The following EPHA6 variants were observed in gnomAD, a reference collection of about 807,000 sequenced individuals.
EPHA6 encodes ephrin type-A receptor 6.
In EPHA6, 50 loss-of-function variants were observed where a neutral mutation model predicts 112.0. The observed-to-expected ratio is 0.45, with a 90% confidence interval of 0.36 to 0.56. EPHA6 has a LOEUF of 0.56. EPHA6 is among the 20% of genes least tolerant of loss of function. The pLI is 0.00. For synonymous variants in EPHA6, 529 were observed against 490.7 expected, an observed-to-expected ratio of 1.08 and a Z score of -1.03; for missense variants, 1,280 against 1,417.4, an observed-to-expected ratio of 0.90 and a Z score of 1.56.
At chr3:96,879,340 C>T (rs541542717) in intron 2 of EPHA6, among the ~76,000 whole-genome samples, 1 of 152,034 alleles carries the variant, frequency 6.6e-6, no homozygotes. Flanking sequence ...TATAACATAT[C>T]ATTTTCAACA....
intron 3 of EPHA6, among the ~76,000 whole-genome samples, chr3:97,178,546 T>C (rs1360288016): frequency 6.6e-6 from 1 of 152,110 alleles, no homozygotes. Context: ...TAATGTTGAT[T>C]AAATCCGTCA....
chr3:97,246,088 C>CTCTTT, intron 5 of EPHA6, among the ~76,000 whole-genome samples: 1 of 152,028 alleles, frequency 6.6e-6, no homozygotes, highest in East Asian at 1.9e-4. Context: ...TTCCTATTTT[C>CTCTTT]TCTTTTCTTT....
intron 13 of EPHA6, among the ~76,000 whole-genome samples, chr3:97,635,258 C>T (rs927210265): frequency 1.3e-5 from 2 of 151,956 alleles, no homozygotes; most frequent in African/African-American, 4.8e-5. Context: ...ACACCAAAAT[C>T]TTATTTTTAA....
At chr3:96,945,225 A>G (rs947365663) in intron 2 of EPHA6, among the ~76,000 whole-genome samples, 40 of 152,124 alleles carry the variant, frequency 2.6e-4, no homozygotes, top group African/African-American at 8.9e-4. Context: ...AGATTAATAA[A>G]ATCATATTCT....
intron 10 of EPHA6, among the ~76,000 whole-genome samples, chr3:97,528,049 T>C (rs1435596287): frequency 6.6e-6 from 1 of 152,104 alleles, no homozygotes; most frequent in African/African-American, 2.4e-5. Context: ...AGGAAAGATA[T>C]GAGAATAAAG....
At chr3:97,612,206 T>C (rs1024991875) in intron 13 of EPHA6, among the ~76,000 whole-genome samples, 2 of 152,056 alleles carry the variant, frequency 1.3e-5, no homozygotes, top group African/African-American at 2.4e-5. Context: ...CCACCTATGG[T>C]ACTTGAAATG....
chr3:97,171,779 A>G (rs965891732), intron 3 of EPHA6, among the ~76,000 whole-genome samples: 3 of 152,122 alleles, frequency 2.0e-5, no homozygotes, highest in African/African-American at 7.2e-5. Flanking sequence ...ATTTGAAAAA[A>G]AGCCTATGTC....
chr3:97,405,363 T>C, intron 6 of EPHA6, 89 bp downstream of exon 6: 3 of 1,180,508 alleles, frequency 2.5e-6, no homozygotes, highest in Non-Finnish European at 3.5e-6. Flanking sequence ...TATTATTTTA[T>C]TTTAAACCCT....
At chr3:97,578,517 G>A (rs1249503605) in intron 11 of EPHA6, among the ~76,000 whole-genome samples, 5 of 152,124 alleles carry the variant, frequency 3.3e-5, no homozygotes, top group Non-Finnish European at 5.9e-5. Flanking sequence ...GGCCCTTAAC[G>A]ACAGGGGTTT....
chr3:97,326,653 T>G lies in EPHA6; in HGVS notation c.1607-78497T>G, dbSNP rs572598845. Among the ~76,000 whole-genome samples, 546 of 152,140 alleles carry G rather than the reference T, an allele frequency of 3.6e-3. 2 individuals carry two copies. The highest frequency in any genetic ancestry group is 0.012 in the African/African-American group (509 of 41,552). ...TGTGCTTTTTACAGAAGTTTCAGCG[T>G]TTTAGGTTTCAGTCAAGCAAATGGT... On this transcript the variant is annotated intron_variant, in intron 5 of 17. Transcript: ENST00000389672.
At chr3:97,382,254 T>C (rs992763473) in intron 5 of EPHA6, among the ~76,000 whole-genome samples, 2 of 152,008 alleles carry the variant, frequency 1.3e-5, no homozygotes, top group Admixed American at 6.6e-5. Flanking sequence ...TCAGATAAAA[T>C]ATTCATGAAT....
chr3:97,313,953 GCC>G lies in EPHA6; in HGVS notation c.1606+69668_1606+69669del, dbSNP rs1472991213. ...TTGGAGTCCTATTCAAGAAATCATT[GCC>G]CAGACCAATGTCATGGAGCTTTCTT... On this transcript the variant is annotated intron_variant, in intron 5 of 17. Transcript: ENST00000389672. Among the ~76,000 whole-genome samples the G allele has an allele frequency of 5.3e-5, 8 of 151,638 alleles. No individual in the cohort carries two copies. The South Asian group carries it at 1.7e-3, about 31-fold the overall frequency.
chr3:97,483,685 CAT>C (rs1380451557), intron 9 of EPHA6, among the ~76,000 whole-genome samples: 5 of 152,176 alleles, frequency 3.3e-5, no homozygotes, highest in Admixed American at 2.0e-4. Flanking sequence ...AAATATGAGA[CAT>C]GTGTTTTCTG....
In EPHA6 at chr3:97,720,201, T is replaced by A. The variant is rs534533335; in HGVS notation, c.2785-60T>A. ...TCTAATAAAAAATATTTAATTGGAA[T>A]ACCATTTTGTTTTTAATACAACGAT... On this transcript the variant is annotated intron_variant, in intron 14 of 17. Transcript: ENST00000389672. 9.6e-4 allele frequency: 1,317 copies of A among 1,378,346 alleles called. 2 individuals carry two copies. Among genetic ancestry groups the A allele is most frequent in the Non-Finnish European group, 1.2e-3 (1,236 of 1,043,154 alleles). 85.4% of individuals were successfully genotyped at this position (1,378,346 alleles called of 1,614,324 possible).
intron 5 of EPHA6, among the ~76,000 whole-genome samples, chr3:97,346,741 T>C (rs1329060317): frequency 1.3e-5 from 2 of 152,220 alleles, no homozygotes; most frequent in African/African-American, 4.8e-5. Context: ...ATGTAGTCTT[T>C]AGCTGGGATA....
chr3:97,418,899 T>A (rs2088360825), intron 6 of EPHA6, among the ~76,000 whole-genome samples: 1 of 152,210 alleles, frequency 6.6e-6, no homozygotes, highest in Non-Finnish European at 1.5e-5. Flanking sequence ...AAATATTACA[T>A]AGCATAGAGT....
Position 96,837,105 on chromosome 3 carries a change from G to T in EPHA6, c.385+22097G>T, listed in dbSNP as rs768211945. Among the ~76,000 whole-genome samples the T allele has an allele frequency of 3.3e-5, 5 of 152,200 alleles. 1 individual carries two copies. Among genetic ancestry groups the T allele is most frequent in the Admixed American group, 6.5e-5 (1 of 15,276 alleles). ...AATTCCTTGATACAAAGGTCAGGAGGTGGAGGTGACTTTTCATATTGGCTA... is the reference window on the plus strand; with the variant it reads ...AATTCCTTGATACAAAGGTCAGGAGTTGGAGGTGACTTTTCATATTGGCTA... On this transcript the variant is annotated intron_variant, in intron 1 of 17. Coordinates refer to ENST00000389672, the MANE Select transcript of EPHA6 (RefSeq NM_001080448.3).
intron 14 of EPHA6, among the ~76,000 whole-genome samples, chr3:97,677,231 A>T (rs2031467745): frequency 6.6e-6 from 1 of 152,176 alleles, no homozygotes; most frequent in Non-Finnish European, 1.5e-5. Flanking sequence ...CATGTGTAAA[A>T]TACACACCAG....
intron 5 of EPHA6, among the ~76,000 whole-genome samples, chr3:97,369,601 C>G (rs1217420402): frequency 2.0e-5 from 3 of 152,156 alleles, no homozygotes; most frequent in Admixed American, 2.0e-4. Context: ...TTGCCTTTAA[C>G]CTGAAATTGC....
Sources: allele counts gnomAD v4.1 joint callset (sites outside exome capture counted in the v4.1 genomes callset), GRCh38; gene constraint gnomAD v4.1.1; transcripts MANE v1.5; gene names NCBI Gene and HGNC (gene_info 2026-07-23, HGNC 2026-07-21).